RIC1: variants seen among roughly 807,000 people sequenced by gnomAD.
RIC1 encodes guanine nucleotide exchange factor subunit RIC1.
In RIC1, 88 loss-of-function variants were observed where a neutral mutation model predicts 169.0. That is an observed-to-expected ratio of 0.52 (90% CI 0.44 to 0.62). RIC1 has a LOEUF of 0.62. Among genes scored for constraint, RIC1 ranks in the 20% least tolerant of loss-of-function variants. The pLI, the probability that RIC1 is intolerant of heterozygous loss-of-function variation, is 0.00. For synonymous variants in RIC1, 790 were observed against 601.5 expected (o/e 1.31, Z -4.59); for missense variants, 1,877 against 1,725.5 (o/e 1.09, Z -1.56).
Position 5,738,229 on chromosome 9 carries a change from C to T in RIC1, c.813-221C>T, listed in dbSNP as rs140057713. Among the ~76,000 whole-genome samples the T allele has an allele frequency of 2.9e-3, 436 of 152,160 alleles. 3 individuals are homozygous for T. Among genetic ancestry groups the T allele is most frequent in the African/African-American group, 0.01 (415 of 41,484 alleles). On this transcript the variant is annotated intron_variant, in intron 7 of 25. Coordinates refer to ENST00000414202, the MANE Select transcript of RIC1 (RefSeq NM_020829.4). ...ATAGTACAATGGACATTGTACATAT[C>T]TCTAGTAAACATTAGACAATAATTT...
At chr9:5,706,013 T>TA (rs1822564297) in intron 3 of RIC1, among the ~76,000 whole-genome samples, 1 of 152,240 alleles carries the variant, frequency 6.6e-6, no homozygotes, top group Non-Finnish European at 1.5e-5. Flanking sequence ...TAGTGGTGGA[T>TA]AATCCTTTTA....
In RIC1 at chr9:5,675,863, T is replaced by C. The variant is rs139988252; in HGVS notation, c.253-14096T>C. On this transcript the variant is annotated intron_variant, in intron 2 of 25. Coordinates refer to ENST00000414202, the MANE Select transcript of RIC1 (RefSeq NM_020829.4). ...TATAAAAATTATGCTATTCATAATA[T>C]GCATACAGCACATTTGCAGTCAGTG... Among the ~76,000 whole-genome samples the C allele has an allele frequency of 6.5e-3, 996 of 152,332 alleles. 4 individuals are homozygous for C. The highest frequency in any genetic ancestry group is 0.011 in the Non-Finnish European group (761 of 68,034).
chr9:5,694,346 A>C (rs117303812), intron 3 of RIC1, among the ~76,000 whole-genome samples: 3,556 of 152,286 alleles, frequency 0.023, 51 homozygotes, highest in Non-Finnish European at 0.038. Context: ...TTTTCTAGAG[A>C]GGAACTTTAG....
At chr9:5,694,298 A>G (rs957732619) in intron 3 of RIC1, among the ~76,000 whole-genome samples, 10 of 152,184 alleles carry the variant, frequency 6.6e-5, no homozygotes, top group South Asian at 2.1e-4. Flanking sequence ...GTTTCCCTCA[A>G]TATATGTTTC....
intron 1 of RIC1, among the ~76,000 whole-genome samples, chr9:5,647,777 T>A (rs940681661): frequency 6.6e-6 from 1 of 152,240 alleles, no homozygotes; most frequent in African/African-American, 2.4e-5. Flanking sequence ...CTTTAGGTAT[T>A]ACGTTGAATG....
chr9:5,683,629 G>T (rs548191584), intron 2 of RIC1, among the ~76,000 whole-genome samples: 3 of 152,212 alleles, frequency 2.0e-5, no homozygotes, highest in African/African-American at 7.2e-5. Flanking sequence ...CCGGTTCTCA[G>T]ATCTCAAGCT....
intron 1 of RIC1, among the ~76,000 whole-genome samples, chr9:5,648,700 G>C (rs1184954778): frequency 2.6e-5 from 4 of 151,900 alleles, no homozygotes; most frequent in Non-Finnish European, 5.9e-5. Context: ...TTTAATAATT[G>C]CTATTCTAAC....
intron 2 of RIC1, among the ~76,000 whole-genome samples, chr9:5,686,417 C>A (rs1306998129): frequency 6.6e-6 from 1 of 151,992 alleles, no homozygotes; most frequent in African/African-American, 2.4e-5. Context: ...GAAAATGTGG[C>A]ACATATACAC....
At chr9:5,678,601 A>G (rs1309921059) in intron 2 of RIC1, among the ~76,000 whole-genome samples, 5 of 152,112 alleles carry the variant, frequency 3.3e-5, no homozygotes, top group Non-Finnish European at 7.4e-5. Flanking sequence ...ATGGCCAGTG[A>G]TGATGAGCAT....
At chr9:5,708,390 A>G (rs1822728614) in intron 3 of RIC1, among the ~76,000 whole-genome samples, 1 of 152,008 alleles carries the variant, frequency 6.6e-6, no homozygotes, top group Non-Finnish European at 1.5e-5. Context: ...ATTTTCTTAC[A>G]TGGGTTTGAG....
At chr9:5,645,244 G>T (rs1416500023) in intron 1 of RIC1, among the ~76,000 whole-genome samples, 4 of 152,058 alleles carry the variant, frequency 2.6e-5, no homozygotes, top group African/African-American at 9.7e-5. Context: ...TAGAGACAGG[G>T]TCTCCATAAG....
In RIC1 at chr9:5,652,659, C is replaced by T. The variant is rs181065314; in HGVS notation, c.145-3924C>T. Among the ~76,000 whole-genome samples, 40 of 151,358 alleles carry T rather than the reference C, an allele frequency of 2.6e-4. 1 individual carries two copies. The East Asian group carries it at 7.6e-3, about 29-fold the overall frequency. Reference sequence around the variant, plus strand: ...TTACCTGCAAATAGTGTTAATTTGACTTCTCCTTTCCAATTAATTTGGATA... The same window carrying T: ...TTACCTGCAAATAGTGTTAATTTGATTTCTCCTTTCCAATTAATTTGGATA... On this transcript the variant is annotated intron_variant, in intron 1 of 25. Transcript: ENST00000414202.
At chr9:5,688,901 A>G (rs999986953) in intron 2 of RIC1, among the ~76,000 whole-genome samples, 1 of 152,162 alleles carries the variant, frequency 6.6e-6, no homozygotes, top group Non-Finnish European at 1.5e-5. Context: ...GTTAGGCGTA[A>G]AAATGTTTGG....
chr9:5,694,956 G>A (rs940349208), intron 3 of RIC1, among the ~76,000 whole-genome samples: 4 of 151,818 alleles, frequency 2.6e-5, no homozygotes, highest in African/African-American at 9.7e-5. Flanking sequence ...TCTAACAGTG[G>A]AAAAAAACAA....
chr9:5,652,279 G>C (rs1264937073), intron 1 of RIC1, among the ~76,000 whole-genome samples: 1 of 152,132 alleles, frequency 6.6e-6, no homozygotes, highest in Non-Finnish European at 1.5e-5. Flanking sequence ...GGATTACATT[G>C]GATCTGTAGA....
intron 2 of RIC1, among the ~76,000 whole-genome samples, chr9:5,669,132 G>A (rs764571717): frequency 3.9e-5 from 6 of 152,096 alleles, no homozygotes; most frequent in Non-Finnish European, 8.8e-5. Flanking sequence ...CTGATGGGTG[G>A]TCTCTGAAGT....
At chr9:5,701,592 TAAA>T (rs113165668) in intron 3 of RIC1, among the ~76,000 whole-genome samples, 7 of 143,784 alleles carry the variant, frequency 4.9e-5, no homozygotes, top group African/African-American at 5.0e-5. Flanking sequence ...AGACTCCATT[TAAA>T]AAAAAAAAAA....
intron 1 of RIC1, among the ~76,000 whole-genome samples, chr9:5,648,308 C>G (rs897994413): frequency 8.6e-5 from 13 of 152,000 alleles, no homozygotes; most frequent in Middle Eastern, 6.8e-3. Context: ...TATATATGGC[C>G]TTTTTATTAT....
At chr9:5,753,495 T>C in intron 13 of RIC1, 41 bp from the exon 14 acceptor site, 3 of 1,244,132 alleles carry the variant, frequency 2.4e-6, no homozygotes, top group African/African-American at 1.5e-5. Flanking sequence ...ATAAAGTATA[T>C]AGGTTTGCAA....
Sources: allele counts gnomAD v4.1 joint callset (sites outside exome capture counted in the v4.1 genomes callset), GRCh38; gene constraint gnomAD v4.1.1; transcripts MANE v1.5; gene names NCBI Gene and HGNC (gene_info 2026-07-23, HGNC 2026-07-21).